The following PLEKHH2 variants were observed in gnomAD, a reference collection of about 807,000 sequenced individuals.
PLEKHH2 encodes pleckstrin homology domain-containing family H member 2.
PLEKHH2 carries 129 observed loss-of-function variants against 187.9 expected under a neutral mutation model. The observed-to-expected ratio is 0.69, with a 90% CI of 0.59 to 0.79. The LOEUF (loss-of-function observed/expected upper bound fraction) is 0.79. Among genes scored for constraint, PLEKHH2 ranks in the 30% least tolerant of loss-of-function variants. PLEKHH2 has a pLI of 0.00. For synonymous variants in PLEKHH2, 686 were observed against 605.6 expected, an observed-to-expected ratio of 1.13 and a Z score of -1.95; for missense variants, 2,076 against 1,751.2, an observed-to-expected ratio of 1.19 and a Z score of -3.31.
intron 25 of PLEKHH2, among the ~76,000 whole-genome samples, chr2:43,754,868 A>ACTT (rs1672153062): frequency 2.9e-5 from 3 of 103,764 alleles, no homozygotes; most frequent in Non-Finnish European, 5.4e-5. Context: ...CTTAAAATCA[A>ACTT]CTTTTTTTTT....
chr2:43,710,945 T>C, intron 14 of PLEKHH2: 1 of 1,010,956 alleles, frequency 9.9e-7, no homozygotes. Context: ...TCAGGAATGT[T>C]TGTATTTTAA....
chr2:43,760,815 GC>G (rs1221311774), intron 27 of PLEKHH2, among the ~76,000 whole-genome samples: 1 of 152,114 alleles, frequency 6.6e-6, no homozygotes, highest in African/African-American at 2.4e-5. Flanking sequence ...CCCAGCCCTG[GC>G]AACTGCCACT....
rs189474436 is a variant in PLEKHH2 at position 43,694,668 on chromosome 2, T to C, written c.420+154T>C. On this transcript the variant is annotated intron_variant, in intron 5 of 29. Coordinates refer to ENST00000282406, the MANE Select transcript of PLEKHH2 (RefSeq NM_172069.4). ...ATAAATGAGATATAGGTAGCTTTCA[T>C]TTTAATATCCAGTGTATTTTAAAAA... 3.7e-4 allele frequency among the ~76,000 whole-genome samples: 57 copies of C among 152,324 alleles called. No individual in the cohort carries two copies. The East Asian group carries it at 0.01, about 27-fold the overall frequency.
Position 43,765,746 on chromosome 2 carries a change from T to C in PLEKHH2, c.*148T>C, listed in dbSNP as rs527975142. 3.1e-5 allele frequency: 21 copies of C among 675,688 alleles called. No homozygotes were observed. The highest frequency in any genetic ancestry group is 2.2e-4 in the African/African-American group (12 of 54,950). The allele number at this position is 675,688 out of a possible 1,614,324, so 41.9% of individuals were successfully genotyped here. On this transcript the variant is annotated 3_prime_UTR_variant, in exon 30 of 30. Transcript: ENST00000282406. ...AAGGGGGTTAGTCTCTTTTATTTGA[T>C]TCTTAAATATTCAAATAAATATTAA...
chr2:43,645,551 T>C (rs951037830), intron 2 of PLEKHH2, among the ~76,000 whole-genome samples: 7 of 152,130 alleles, frequency 4.6e-5, no homozygotes, highest in African/African-American at 1.4e-4. Flanking sequence ...CTAGTTCAAA[T>C]TGAGGTGTGT....
chr2:43,712,433 C>A, intron 15 of PLEKHH2, 50 bp downstream of exon 15: 1 of 1,555,802 alleles, frequency 6.4e-7, no homozygotes. Flanking sequence ...TGGGCATGAG[C>A]CCATGATCGC....
intron 8 of PLEKHH2, 80 bp from the exon 9 acceptor site, chr2:43,703,901 T>C: frequency 1.2e-6 from 1 of 841,912 alleles, no homozygotes; most frequent in Non-Finnish European, 1.9e-6. Flanking sequence ...GAAAAACATG[T>C]GTATTGAAAG....
chr2:43,718,353 C>G (rs12471076), intron 15 of PLEKHH2, among the ~76,000 whole-genome samples: 1 of 151,898 alleles, frequency 6.6e-6, no homozygotes, highest in East Asian at 1.9e-4. Flanking sequence ...TCCTGGCCAA[C>G]ATGGTGAAAC....
intron 1 of PLEKHH2, among the ~76,000 whole-genome samples, chr2:43,638,221 C>T (rs1703205991): frequency 6.6e-6 from 1 of 151,002 alleles, no homozygotes; most frequent in South Asian, 2.1e-4. Context: ...ACAAGGCATG[C>T]CTCAGTCTCG....
chr2:43,757,395 A>C, intron 26 of PLEKHH2, 131 bp downstream of exon 26: 1 of 664,418 alleles, frequency 1.5e-6, no homozygotes. Flanking sequence ...TGATTGAGCC[A>C]CAGGAGATTA....
intron 16 of PLEKHH2, among the ~76,000 whole-genome samples, chr2:43,722,298 G>A (rs1055499516): frequency 2.6e-5 from 4 of 151,340 alleles, no homozygotes; most frequent in Non-Finnish European, 4.4e-5. Context: ...GTGGACATAC[G>A]TAAATATTAG....
intron 3 of PLEKHH2, among the ~76,000 whole-genome samples, chr2:43,689,368 C>G (rs1572560261): frequency 6.6e-6 from 1 of 152,220 alleles, no homozygotes; most frequent in East Asian, 1.9e-4. Context: ...TGGAGGCTAT[C>G]CGTGTATACA....
chr2:43,750,914 CT>C (rs911678768), intron 24 of PLEKHH2, among the ~76,000 whole-genome samples: 34 of 152,290 alleles, frequency 2.2e-4, no homozygotes, highest in African/African-American at 8.2e-4. Flanking sequence ...GACATGAAGT[CT>C]TAGCAATGCA....
intron 27 of PLEKHH2, among the ~76,000 whole-genome samples, chr2:43,760,835 T>C (rs1672401784): frequency 6.6e-6 from 1 of 152,256 alleles, no homozygotes; most frequent in Non-Finnish European, 1.5e-5. Context: ...CTCTACTTTC[T>C]GTCTCTATGC....
chr2:43,693,127 G>T (rs1422660941), intron 4 of PLEKHH2, among the ~76,000 whole-genome samples: 1 of 151,676 alleles, frequency 6.6e-6, no homozygotes, highest in Non-Finnish European at 1.5e-5. Flanking sequence ...AAGAGAAAGG[G>T]TTTTGCCATG....
At chr2:43,728,009 G>T (rs544597434) in intron 17 of PLEKHH2, among the ~76,000 whole-genome samples, 1 of 152,228 alleles carries the variant, frequency 6.6e-6, no homozygotes, top group African/African-American at 2.4e-5. Context: ...GATTATCAAA[G>T]ATTTAAAAAA....
intron 15 of PLEKHH2, among the ~76,000 whole-genome samples, chr2:43,720,001 CTTT>C (rs1650345278): frequency 6.6e-6 from 1 of 151,752 alleles, no homozygotes; most frequent in Non-Finnish European, 1.5e-5. Context: ...ACTTTCTCTT[CTTT>C]ATGTTAATGC....
intron 3 of PLEKHH2, among the ~76,000 whole-genome samples, chr2:43,684,319 A>G (rs764679744): frequency 1.4e-4 from 21 of 150,652 alleles, no homozygotes; most frequent in Admixed American, 6.6e-4. Context: ...ATATGTCTCT[A>G]TATGTAATCT....
Position 43,765,556 on chromosome 2 carries a change from T to G in PLEKHH2, c.4440T>G (p.Leu1480=). 1 of 1,613,598 alleles carries G rather than the reference T, an allele frequency of 6.2e-7. No individual in the cohort carries two copies. Among genetic ancestry groups the G allele is most frequent in the South Asian group, 1.1e-5 (1 of 91,062 alleles). Reference sequence around the variant, plus strand: ...CCAGAATGATGGGAAGCCAGCCTCTTCTGTCAAGCAGCAGACCGACCAAAG... The same window carrying G: ...CCAGAATGATGGGAAGCCAGCCTCTGCTGTCAAGCAGCAGACCGACCAAAG... ...PQARMMGSQP[L]LSSSRPTKGP... The change falls in exon 30 of 30, where the codon CTT becomes CTG. Residue 1480 remains leucine, a synonymous_variant. Coordinates refer to ENST00000282406, the MANE Select transcript of PLEKHH2 (RefSeq NM_172069.4).
Sources: allele counts gnomAD v4.1 joint callset (sites outside exome capture counted in the v4.1 genomes callset), GRCh38; gene constraint gnomAD v4.1.1; transcripts MANE v1.5; gene names NCBI Gene and HGNC (gene_info 2026-07-23, HGNC 2026-07-21).